ATG14: variants seen among roughly 807,000 people sequenced by gnomAD.
ATG14 encodes the protein autophagy related 14.
ATG14 carries 35 observed loss-of-function variants against 60.4 expected under a neutral mutation model. The ratio of observed to expected loss-of-function variants is 0.58; its 90% CI spans 0.44 to 0.77. ATG14 has a LOEUF of 0.77. Ranked by LOEUF, ATG14 falls within the 30% of genes least tolerant of loss-of-function variation. The probability of loss-of-function intolerance (pLI) is 0.00; values close to 1 mark genes in which losing one functional copy is unlikely to be tolerated. For synonymous variants in ATG14, 234 were observed against 228.8 expected, an observed-to-expected ratio of 1.02 and a Z score of -0.21; for missense variants, 647 against 626.3, an observed-to-expected ratio of 1.03 and a Z score of -0.35.
At chr14:55,388,055 T>C (rs1350641454) in intron 4 of ATG14, among the ~76,000 whole-genome samples, 3 of 152,040 alleles carry the variant, frequency 2.0e-5, no homozygotes, top group Non-Finnish European at 4.4e-5. Flanking sequence ...GAGAATTGCT[T>C]GAACCCGGGA....
chr14:55,411,803 T>C lies in ATG14; in HGVS notation c.20A>G (p.Lys7Arg), dbSNP rs991229188. The C allele has an allele frequency of 1.3e-6, 2 of 1,597,392 alleles. No individual in the cohort carries two copies. The highest frequency in any genetic ancestry group is 1.7e-5 in the Admixed American group (1 of 57,508). Residue 7 changes from lysine (K) to arginine (R), a missense_variant, in exon 1 of 10, where the codon AAG becomes AGG. Lys to Arg is a conservative substitution (Grantham distance 26, BLOSUM62 2). Transcript: ENST00000247178. MASPSG[K>R]GARALEAPGC... ...AGGAGCCTCCAGCGCCCGGGCTCCC[T>C]TCCCACTGGGAGACGCCATGATGGC...
chr14:55,383,993 G>A (rs1885081055), intron 5 of ATG14, among the ~76,000 whole-genome samples: 1 of 152,130 alleles, frequency 6.6e-6, no homozygotes. Context: ...GTGGTTCTTC[G>A]TATCTTTCCT....
intron 1 of ATG14, among the ~76,000 whole-genome samples, chr14:55,408,219 G>T (rs1482019277): frequency 6.6e-6 from 1 of 152,170 alleles, no homozygotes; most frequent in Non-Finnish European, 1.5e-5. Flanking sequence ...TGGGGAGGCT[G>T]AGGCTGGTGG....
At position 55,369,842 on chromosome 14, in the gene ATG14, C is replaced by A; in HGVS notation, c.1256G>T (p.Ser419Ile). The A allele has an allele frequency of 6.2e-7, 1 of 1,614,174 alleles. No individual in the cohort carries two copies. The highest frequency in any genetic ancestry group is 8.5e-7 in the Non-Finnish European group (1 of 1,180,034). ...DPGVAGESDE[S>I]GDERVSDEET... is the part of the protein sequence containing the mutation. ...TTCATCGCTGACGCGCTCATCTCCG[C>A]TCTCATCTGATTCTCCAGCAACTCC... The change falls in exon 10 of 10, where the codon AGC becomes ATC. Residue 419 changes from serine to isoleucine, a missense_variant. By Grantham distance (142) the Ser-to-Ile change is moderately radical. Transcript: ENST00000247178.
At chr14:55,392,210 A>G (rs1299687481) in intron 3 of ATG14, among the ~76,000 whole-genome samples, 2 of 152,230 alleles carry the variant, frequency 1.3e-5, no homozygotes, top group Admixed American at 6.5e-5. Context: ...CTGATCTGAC[A>G]GGAGGTGGAG....
At chr14:55,400,308 T>A (rs1013298523) in intron 1 of ATG14, among the ~76,000 whole-genome samples, 2 of 152,120 alleles carry the variant, frequency 1.3e-5, no homozygotes, top group Non-Finnish European at 2.9e-5. Context: ...ATGATACATA[T>A]TATATATATA....
chr14:55,397,343 C>T (rs1885329726), intron 2 of ATG14, 29 bp downstream of exon 2: 2 of 1,597,886 alleles, frequency 1.3e-6, no homozygotes, highest in Middle Eastern at 1.7e-4. Context: ...ATCACCTCCA[C>T]AAATTAAAAG....
At chr14:55,380,973 A>G (rs1419156125) in intron 6 of ATG14, among the ~76,000 whole-genome samples, 1 of 150,580 alleles carries the variant, frequency 6.6e-6, no homozygotes, top group Non-Finnish European at 1.5e-5. Flanking sequence ...TGTGAACCTG[A>G]TAACGTAATA....
At chr14:55,380,749 A>C in intron 6 of ATG14, 59 bp from the exon 7 acceptor site, 2 of 1,069,590 alleles carry the variant, frequency 1.9e-6, no homozygotes, top group Non-Finnish European at 2.8e-6. Flanking sequence ...ACTACTAATA[A>C]TCCACGAGTT....
intron 3 of ATG14, among the ~76,000 whole-genome samples, chr14:55,394,283 G>A (rs944796477): frequency 4.6e-5 from 7 of 152,074 alleles, no homozygotes; most frequent in Non-Finnish European, 7.4e-5. Context: ...GGGATTATAG[G>A]CATGAGCCAA....
chr14:55,404,648 G>C (rs1427575137), intron 1 of ATG14, among the ~76,000 whole-genome samples: 1 of 152,186 alleles, frequency 6.6e-6, no homozygotes, highest in Non-Finnish European at 1.5e-5. Context: ...CACACAAGTG[G>C]CAGGGTGTAC....
chr14:55,366,615 T>C lies in ATG14; in HGVS notation c.*3004A>G, dbSNP rs1884684505. 1.4e-5 allele frequency: 2 copies of C among 147,786 alleles called. No homozygotes were observed. Among genetic ancestry groups the C allele is most frequent in the African/African-American group, 5.2e-5 (2 of 38,246 alleles). 9.2% of individuals were successfully genotyped at this position (147,786 alleles called of 1,614,324 possible). On this transcript the variant is annotated 3_prime_UTR_variant, in exon 10 of 10. Coordinates refer to ENST00000247178, the MANE Select transcript of ATG14 (RefSeq NM_014924.5). ...CTACCCAATGGTGATATACTGTTTT[T>C]CCCCCTTACAGATGTGCAAAACTTT...
At chr14:55,378,246 T>C (rs1884958319) in intron 7 of ATG14, among the ~76,000 whole-genome samples, 172 bp from the exon 8 acceptor site, 1 of 152,232 alleles carries the variant, frequency 6.6e-6, no homozygotes. Context: ...AGAACAATTA[T>C]ACTGCATCTA....
intron 3 of ATG14, chr14:55,395,033 T>A: frequency 2.1e-6 from 1 of 482,510 alleles, no homozygotes; most frequent in South Asian, 1.5e-5. Flanking sequence ...GTTTCTTGGT[T>A]AGCCACTTCT....
Position 55,385,898 on chromosome 14 carries a change from G to C in ATG14, c.608C>G (p.Ser203Cys), listed in dbSNP as rs778397569. 6.2e-7 allele frequency: 1 copy of C among 1,613,376 alleles called. No homozygotes were observed. The change falls in exon 5 of 10, where the codon TCT becomes TGT. Residue 203 changes from serine (S) to cysteine (C), a missense_variant. Physicochemically the swap from Ser to Cys is moderately radical, Grantham distance 112 (BLOSUM62 -1). Coordinates refer to ENST00000247178, the MANE Select transcript of ATG14 (RefSeq NM_014924.5). ...TACTTCCTCGATTGGAAAAATGACA[G>C]AGGTGAGCTCTAATATATGGGATCG... Reference protein sequence around the residue: ...LRRSHILELTSVIFPIEEVKT... With the variant: ...LRRSHILELTCVIFPIEEVKT...
chr14:55,372,627 C>A (rs1475740354), intron 9 of ATG14, among the ~76,000 whole-genome samples: 2 of 151,638 alleles, frequency 1.3e-5, no homozygotes, highest in African/African-American at 4.8e-5. Context: ...CCCTTCCTTT[C>A]TTCCCCAGTC....
chr14:55,377,972 T>C lies in ATG14; in HGVS notation c.1086+12A>G. On this transcript the variant is annotated intron_variant, in intron 8 of 9. Coordinates refer to ENST00000247178, the MANE Select transcript of ATG14 (RefSeq NM_014924.5). Reference sequence around the variant, plus strand: ...ACAAAGTAAAAATTAGTTCACAACCTATTTTTCATACCTGAGAAAAACAAA... The same window carrying C: ...ACAAAGTAAAAATTAGTTCACAACCCATTTTTCATACCTGAGAAAAACAAA... 6.2e-7 allele frequency: 1 copy of C among 1,601,378 alleles called. No homozygotes were observed. The highest frequency in any genetic ancestry group is 8.5e-7 in the Non-Finnish European group (1 of 1,171,758).
chr14:55,367,223 CT>C lies in ATG14; in HGVS notation c.*2395del, dbSNP rs1348453276. 6.6e-6 allele frequency: 1 copy of C among 152,218 alleles called. No individual in the cohort carries two copies. Among genetic ancestry groups the C allele is most frequent in the Non-Finnish European group, 1.5e-5 (1 of 68,040 alleles). The allele number at this position is 152,218 out of a possible 1,614,324, so 9.4% of individuals were successfully genotyped here. Reference sequence around the variant, plus strand: ...TGTGCATCTCTCAGCTGAAGTCAGTCTCCACCACCAAGCTCCAAATCCCACT... The same window carrying C: ...TGTGCATCTCTCAGCTGAAGTCAGTCCCACCACCAAGCTCCAAATCCCACT... On this transcript the variant is annotated 3_prime_UTR_variant, in exon 10 of 10. Coordinates refer to ENST00000247178, the MANE Select transcript of ATG14 (RefSeq NM_014924.5).
chr14:55,369,420 A>G lies in ATG14; in HGVS notation c.*199T>C. The stretch of plus-strand genomic sequence containing the variant: ...ACCTTCGACCCCTGTTCTCTTAATT[A>G]TCATAAGCATGTTGGTCACCATCAC... On this transcript the variant is annotated 3_prime_UTR_variant, in exon 10 of 10. Transcript: ENST00000247178. The G allele has an allele frequency of 2.2e-6, 1 of 460,372 alleles. No homozygotes were observed. Among genetic ancestry groups the G allele is most frequent in the Non-Finnish European group, 3.7e-6 (1 of 270,428 alleles). The allele number at this position is 460,372 out of a possible 1,614,324, so 28.5% of individuals were successfully genotyped here. A position where few individuals can be genotyped will look rare whatever the true frequency, so the allele number is the denominator to read the frequency against.
Sources: gnomAD v4.1 joint callset for allele counts (sites outside exome capture counted in the v4.1 genomes callset) on GRCh38, gnomAD v4.1.1 for gene constraint, MANE v1.5 for transcripts, NCBI Gene and HGNC (gene_info 2026-07-23, HGNC 2026-07-21) for gene names.